The following EIF2AK3 variants were observed in gnomAD, a reference collection of about 807,000 sequenced individuals.
EIF2AK3 encodes the protein eukaryotic translation initiation factor 2 alpha kinase 3, also known as eukaryotic translation initiation factor 2-alpha kinase 3.
A neutral mutation model predicts 113.5 loss-of-function variants in EIF2AK3; 50 were observed. That is an observed-to-expected ratio of 0.44 (90% CI 0.35 to 0.56). The LOEUF (loss-of-function observed/expected upper bound fraction) is 0.56, where lower values mean the gene tolerates loss of function less well. Ranked by LOEUF, EIF2AK3 falls within the 20% of genes least tolerant of loss-of-function variation. EIF2AK3 has a pLI of 0.00. For synonymous variants in EIF2AK3, 448 were observed against 495.4 expected (o/e 0.90, Z 1.27); for missense variants, 1,185 against 1,378.0 (o/e 0.86, Z 2.22).
intron 2 of EIF2AK3, among the ~76,000 whole-genome samples, chr2:88,601,840 T>C (rs1041505279): frequency 6.1e-5 from 9 of 147,204 alleles, no homozygotes; most frequent in Admixed American, 4.0e-4. Flanking sequence ...TTTTCTTTTT[T>C]TTTTTTTTTT....
At chr2:88,600,176 T>C (rs190704059) in intron 2 of EIF2AK3, among the ~76,000 whole-genome samples, 1 of 152,342 alleles carries the variant, frequency 6.6e-6, no homozygotes, top group African/African-American at 2.4e-5. Context: ...ACATGGCTGC[T>C]GACCTTTGTG....
In EIF2AK3 at chr2:88,627,202, C is replaced by T. The variant is rs1675889335; in HGVS notation, c.73G>A (p.Ala25Thr). 7.0e-7 allele frequency: 1 copy of T among 1,437,520 alleles called. No homozygotes were observed. The highest frequency in any genetic ancestry group is 1.3e-5 in the South Asian group (1 of 76,552). The allele number at this position is 1,437,520 out of a possible 1,614,324, so 89.0% of individuals were successfully genotyped here. ...LLLLLLLGLA[A>T]RTVAAGRARG... The stretch of plus-strand genomic sequence containing the variant: ...GCGCGCCCCGCGGCCACCGTCCTTG[C>T]CGCGAGCCCCAGCAGCAGCAGCAGC... Residue 25 changes from alanine to threonine, a missense_variant, in exon 1 of 17, where the codon GCA (alanine) becomes ACA (threonine). This residue lies in a region of EIF2AK3 where 189 missense variants were observed against 175.2 expected (regional missense o/e 1.08). Coordinates refer to ENST00000303236, the MANE Select transcript of EIF2AK3 (RefSeq NM_004836.7).
At chr2:88,581,486 T>TTTC (rs1325374068) in intron 10 of EIF2AK3, among the ~76,000 whole-genome samples, 1 of 152,226 alleles carries the variant, frequency 6.6e-6, no homozygotes, top group Admixed American at 6.5e-5. Flanking sequence ...GGTTCATGGC[T>TTTC]TTCTTCTTAC....
chr2:88,584,888 G>GGGATTAGGGTACCAGT (rs1340006036), intron 9 of EIF2AK3, among the ~76,000 whole-genome samples: 18 of 152,054 alleles, frequency 1.2e-4, no homozygotes, highest in African/African-American at 4.3e-4. Flanking sequence ...AGGGGAGGAA[G>GGGATTAGGGTACCAGT]GGATTAGGGT....
Position 88,557,840 on chromosome 2 carries a change from G to C in EIF2AK3, c.3247C>G (p.Pro1083Ala), listed in dbSNP as rs1270652878. 3.5e-5 allele frequency: 56 copies of C among 1,613,966 alleles called. No homozygotes were observed. Among genetic ancestry groups the C allele is most frequent in the Non-Finnish European group, 4.7e-5 (56 of 1,180,002 alleles). ...CTCTGTCTGAGCACTGTTTTTCCTGGAAAGTCCAAGTCCTCAAATACAGCA... is the reference window on the plus strand; with the variant it reads ...CTCTGTCTGAGCACTGTTTTTCCTGCAAAGTCCAAGTCCTCAAATACAGCA... ...ENAVFEDLDF[P>A]GKTVLRQRSR... Residue 1083 changes from proline (P) to alanine (A), a missense_variant, in exon 17 of 17, where the codon CCA becomes GCA. Physicochemically the swap from Pro to Ala is conservative, Grantham distance 27 (BLOSUM62 -1). Transcript: ENST00000303236.
In EIF2AK3 at chr2:88,562,293, A is replaced by G; in HGVS notation, c.3083T>C (p.Val1028Ala). 6.2e-7 allele frequency: 1 copy of G among 1,613,330 alleles called. No individual in the cohort carries two copies. The highest frequency in any genetic ancestry group is 1.3e-5 in the African/African-American group (1 of 75,010). Residue 1028 changes from valine to alanine, a missense_variant, in exon 15 of 17, where the codon GTC (valine) becomes GCC (alanine). By Grantham distance (64) the Val-to-Ala change is moderately conservative (BLOSUM62 0). Transcript: ENST00000303236. Reference sequence around the variant, plus strand: ...TTGAGTAGGGAGGGTACTTACCCTGACTCTCTCCATCTGAGTGCTGAATGG... The same window carrying G: ...TTGAGTAGGGAGGGTACTTACCCTGGCTCTCTCCATCTGAGTGCTGAATGG... ...LYPFSTQMER[V>A]RTLTDVRNLK...
In EIF2AK3 at chr2:88,583,300, T is replaced by C. The variant is rs146926405; in HGVS notation, c.1763+130A>G. On this transcript the variant is annotated intron_variant, in intron 10 of 16. Coordinates refer to ENST00000303236, the MANE Select transcript of EIF2AK3 (RefSeq NM_004836.7). The stretch of plus-strand genomic sequence containing the variant: ...TTTTAATACATTTAAGTTACCTGAA[T>C]TTATTTATTTATTGAGGGTTAAGCC... The C allele has an allele frequency of 5.3e-5, 36 of 675,724 alleles. No homozygotes were observed. The African/African-American group carries it at 6.1e-4, about 12-fold the overall frequency. The allele number at this position is 675,724 out of a possible 1,614,324, so 41.9% of individuals were successfully genotyped here.
chr2:88,582,694 G>C (rs1467533565), intron 10 of EIF2AK3, among the ~76,000 whole-genome samples: 3 of 151,756 alleles, frequency 2.0e-5, no homozygotes, highest in Non-Finnish European at 4.4e-5. Context: ...TGTTTCCTTG[G>C]AGGGCCCCAA....
chr2:88,576,844 C>G, intron 11 of EIF2AK3, 141 bp from the exon 12 acceptor site: 1 of 934,756 alleles, frequency 1.1e-6, no homozygotes, highest in Non-Finnish European at 1.6e-6. Context: ...ATAAAATTAG[C>G]CTGAAAAAGA....
chr2:88,610,266 T>C (rs1038118482), intron 2 of EIF2AK3, among the ~76,000 whole-genome samples: 1 of 152,324 alleles, frequency 6.6e-6, no homozygotes, highest in Non-Finnish European at 1.5e-5. Flanking sequence ...TATAAGGAAA[T>C]ATGCCAACAT....
chr2:88,627,406 C>G lies in EIF2AK3; in HGVS notation c.-132G>C, dbSNP rs1313082418. 4.3e-6 allele frequency: 5 copies of G among 1,157,998 alleles called. No homozygotes were observed. The highest frequency in any genetic ancestry group is 6.6e-5 in the East Asian group (2 of 30,408). 71.7% of individuals were successfully genotyped at this position (1,157,998 alleles called of 1,614,324 possible). A position where few individuals can be genotyped will look rare whatever the true frequency, so the allele number is the denominator to read the frequency against. On this transcript the variant is annotated 5_prime_UTR_variant, in exon 1 of 17. Transcript: ENST00000303236. ...CGCCCCGACGGCCTGGACAGCCAGC[C>G]GTGTTCCCCTGGCCACGTCTCAGCC...
chr2:88,614,239 G>A (rs1371847279), intron 1 of EIF2AK3, among the ~76,000 whole-genome samples: 4 of 152,056 alleles, frequency 2.6e-5, no homozygotes, highest in South Asian at 2.1e-4. Context: ...TGAGGATATC[G>A]CTTCCCTACA....
intron 8 of EIF2AK3, among the ~76,000 whole-genome samples, chr2:88,586,327 C>T (rs1029517490): frequency 6.6e-6 from 1 of 152,006 alleles, no homozygotes; most frequent in Admixed American, 6.5e-5. Flanking sequence ...CTACTCCATT[C>T]ATAACCTCAT....
At chr2:88,600,429 C>A (rs1434581459) in intron 2 of EIF2AK3, among the ~76,000 whole-genome samples, 1 of 152,146 alleles carries the variant, frequency 6.6e-6, no homozygotes, top group East Asian at 1.9e-4. Context: ...TTCATGTAAG[C>A]AGCTATTTGT....
chr2:88,578,871 AAGTTAT>A (rs1674529230), intron 11 of EIF2AK3, among the ~76,000 whole-genome samples: 1 of 152,218 alleles, frequency 6.6e-6, no homozygotes, highest in Non-Finnish European at 1.5e-5. Context: ...TTTTATGGTA[AAGTTAT>A]TTCTAATTCT....
chr2:88,558,398 A>G (rs1673844019), intron 16 of EIF2AK3, among the ~76,000 whole-genome samples: 1 of 152,232 alleles, frequency 6.6e-6, no homozygotes, highest in Non-Finnish European at 1.5e-5. Flanking sequence ...GAGATCAGCA[A>G]CCAACACCTT....
In EIF2AK3 at chr2:88,605,563, G is replaced by A. The variant is rs1675249949; in HGVS notation, c.438+8161C>T. On this transcript the variant is annotated intron_variant, in intron 2 of 16. Transcript: ENST00000303236. ...CTATCAAGCCTAAAATTCTTTGATTGTAACATAAAAACTCTAACGGATTGA... is the reference window on the plus strand; with the variant it reads ...CTATCAAGCCTAAAATTCTTTGATTATAACATAAAAACTCTAACGGATTGA... Among the ~76,000 whole-genome samples, 3 of 152,076 alleles carry A rather than the reference G, an allele frequency of 2.0e-5. No homozygotes were observed. In the South Asian group the frequency reaches 6.2e-4, roughly 32 times the overall value.
Position 88,601,977 on chromosome 2 carries a change from G to A in EIF2AK3, c.439-6314C>T, listed in dbSNP as rs1450678740. 2.0e-5 allele frequency among the ~76,000 whole-genome samples: 3 copies of A among 150,588 alleles called. No homozygotes were observed. The East Asian group carries it at 6.0e-4, about 30-fold the overall frequency. On this transcript the variant is annotated intron_variant, in intron 2 of 16. Transcript: ENST00000303236. ...AGTGATTCTCCTGCCTCAGCCTCCC[G>A]AGTAGGTGGGACTACAGGCGCCTAC...
At position 88,583,558 on chromosome 2, in the gene EIF2AK3, A is replaced by G; in HGVS notation, c.1651-16T>C. ...CCTTCCTTTGCTGATAAGGTGAAAAACAAAATCACTACCAGTACAAAGCTG... is the reference window on the plus strand; with the variant it reads ...CCTTCCTTTGCTGATAAGGTGAAAAGCAAAATCACTACCAGTACAAAGCTG... On this transcript the variant is annotated splice_polypyrimidine_tract_variant and intron_variant, in intron 9 of 16. Coordinates refer to ENST00000303236, the MANE Select transcript of EIF2AK3 (RefSeq NM_004836.7). 6.3e-7 allele frequency: 1 copy of G among 1,576,938 alleles called. No homozygotes were observed. Among genetic ancestry groups the G allele is most frequent in the Non-Finnish European group, 8.7e-7 (1 of 1,147,134 alleles).
Sources: gnomAD v4.1 joint callset for allele counts (sites outside exome capture counted in the v4.1 genomes callset) on GRCh38, gnomAD v4.1.1 for gene constraint, gnomAD v4.1.1 regional missense constraint, MANE v1.5 for transcripts, NCBI Gene and HGNC (gene_info 2026-07-23, HGNC 2026-07-21) for gene names.